The following TRERF1 variants were observed in gnomAD, a reference collection of about 807,000 sequenced individuals.
TRERF1 encodes the protein transcriptional-regulating factor 1.
Under a neutral mutation model 122.9 loss-of-function variants are expected in TRERF1, and 27 were observed. The ratio of observed to expected loss-of-function variants is 0.22; its 90% confidence interval spans 0.16 to 0.30. The LOEUF (loss-of-function observed/expected upper bound fraction) is 0.30, where lower values mean the gene tolerates loss of function less well. Ranked by LOEUF, TRERF1 falls within the 10% of genes least tolerant of loss-of-function variation. TRERF1 has a pLI of 1.00. For missense variants in TRERF1, 1,248 were observed against 1,560.3 expected (o/e 0.80, Z 3.37); for synonymous variants, 636 against 641.7 (o/e 0.99, Z 0.13).
At position 42,305,745 on chromosome 6, in the gene TRERF1, AG is replaced by A. The variant is rs1462746904; in HGVS notation, c.-370-4997del. On this transcript the variant is annotated intron_variant, in intron 3 of 17. Coordinates refer to ENST00000372922, the Ensembl canonical transcript of TRERF1. ...GATTTTAAAAAGAAGAAAAAGGAAC[AG>A]GGGGAGGGGGATGCAGGAAAATGGA... Among the ~76,000 whole-genome samples the A allele has an allele frequency of 3.3e-5, 5 of 152,160 alleles. No homozygotes were observed. In the East Asian group the frequency reaches 9.7e-4, roughly 29 times the overall value.
At chr6:42,328,372 G>T (rs1764681949) in intron 3 of TRERF1, among the ~76,000 whole-genome samples, 1 of 152,108 alleles carries the variant, frequency 6.6e-6, no homozygotes, top group Non-Finnish European at 1.5e-5. Context: ...AGGCTCAGGA[G>T]TACCTCTGCA....
chr6:42,416,703 A>G (rs1781883498), intron 2 of TRERF1, among the ~76,000 whole-genome samples: 1 of 152,184 alleles, frequency 6.6e-6, no homozygotes, highest in Admixed American at 6.5e-5. Context: ...AAAGAATTTA[A>G]GCGCTCTTTC....
In TRERF1 at chr6:42,385,599, G is replaced by A. The variant is rs184683393; in HGVS notation, c.-453-22520C>T. Among the ~76,000 whole-genome samples the A allele has an allele frequency of 2.0e-3, 310 of 152,266 alleles. 3 individuals are homozygous for A. The highest frequency in any genetic ancestry group is 3.7e-3 in the Non-Finnish European group (253 of 68,020). On this transcript the variant is annotated intron_variant, in intron 2 of 17. Coordinates refer to ENST00000372922, the Ensembl canonical transcript of TRERF1. Reference sequence around the variant, plus strand: ...TGACCTGGACCCCGAAACCTATCGGGAGTGGCAGGCACCTCTAGAAGCCAC... The same window carrying A: ...TGACCTGGACCCCGAAACCTATCGGAAGTGGCAGGCACCTCTAGAAGCCAC...
Position 42,247,674 on chromosome 6 carries a change from C to T in TRERF1, c.2657-1130G>A, listed in dbSNP as rs147755841. Among the ~76,000 whole-genome samples, 388 of 152,202 alleles carry T rather than the reference C, an allele frequency of 2.5e-3. 1 individual carries two copies. The highest frequency in any genetic ancestry group is 8.9e-3 in the African/African-American group (370 of 41,510). On this transcript the variant is annotated intron_variant, in intron 13 of 17. Transcript: ENST00000372922. ...TCTTTTTCCTCCATGAAAGAAAGCA[C>T]GATATGCAGATAATAATATAAAGTT...
At chr6:42,238,285 C>G (rs1343230864) in intron 15 of TRERF1, among the ~76,000 whole-genome samples, 8 of 152,166 alleles carry the variant, frequency 5.3e-5, no homozygotes, top group African/African-American at 1.7e-4. Context: ...TCTCACAATG[C>G]CATTGTTTGG....
At chr6:42,330,202 C>CAAGAAA (rs1165737509) in intron 3 of TRERF1, among the ~76,000 whole-genome samples, 3 of 152,064 alleles carry the variant, frequency 2.0e-5, no homozygotes, top group Non-Finnish European at 4.4e-5. Flanking sequence ...CATGAACACA[C>CAAGAAA]AAGAAATAGT....
intron 13 of TRERF1, among the ~76,000 whole-genome samples, 181 bp downstream of exon 13, chr6:42,254,670 C>T (rs115573529): frequency 0.023 from 3,440 of 152,220 alleles, 131 homozygotes; most frequent in African/African-American, 0.077. Context: ...GGAGCTTATG[C>T]CAACAGACAA....
At chr6:42,290,792 G>A (rs866609264) in intron 4 of TRERF1, among the ~76,000 whole-genome samples, 68 of 93,152 alleles carry the variant, frequency 7.3e-4, no homozygotes, top group Non-Finnish European at 1.1e-3. Context: ...GCTCATAATT[G>A]CATCTCTTTA....
chr6:42,408,229 G>GTGTGTGTATGTATATATACATACACA (rs1780504520), intron 2 of TRERF1, among the ~76,000 whole-genome samples: 2 of 93,878 alleles, frequency 2.1e-5, no homozygotes, highest in Non-Finnish European at 5.0e-5. Flanking sequence ...ATATATATAT[G>GTGTGTGTATGTATATATACATACACA]TGTGTGTGTA....
chr6:42,238,169 C>T (rs2149547473), intron 15 of TRERF1, among the ~76,000 whole-genome samples: 1 of 152,316 alleles, frequency 6.6e-6, no homozygotes. Context: ...ACTTTGTGGT[C>T]TCAAACATTA....
intron 2 of TRERF1, among the ~76,000 whole-genome samples, chr6:42,399,616 T>G (rs535754739): frequency 1.3e-5 from 2 of 152,330 alleles, no homozygotes; most frequent in East Asian, 3.9e-4. Context: ...GCAAGCAAGT[T>G]CTTCCAGTTT....
chr6:42,265,287 C>T (rs542851741), intron 6 of TRERF1, among the ~76,000 whole-genome samples: 35 of 152,232 alleles, frequency 2.3e-4, no homozygotes, highest in Non-Finnish European at 4.8e-4. Context: ...TCTTTATTGA[C>T]CATGCCCATG....
chr6:42,236,704 G>A (rs111765940), intron 15 of TRERF1, among the ~76,000 whole-genome samples: 1 of 152,154 alleles, frequency 6.6e-6, no homozygotes, highest in Non-Finnish European at 1.5e-5. Context: ...TACATGCAAG[G>A]ATTCCCCACC....
chr6:42,392,341 ATTC>A (rs957696936), intron 2 of TRERF1, among the ~76,000 whole-genome samples: 19 of 152,190 alleles, frequency 1.2e-4, no homozygotes, highest in Non-Finnish European at 2.6e-4. Flanking sequence ...ATAATCATGT[ATTC>A]TTTATGTGAC....
rs147616086 is a variant in TRERF1 at position 42,262,807 on chromosome 6, G to T, written c.1884+513C>A. On this transcript the variant is annotated intron_variant, in intron 8 of 17. Transcript: ENST00000372922. ...AAGCAGACAAAAATATTAAGCAACT[G>T]GTAAGGCTGCTTGTCAGAATGGATG... Among the ~76,000 whole-genome samples, 955 of 152,268 alleles carry T rather than the reference G, an allele frequency of 6.3e-3. 6 individuals carry two copies. The highest frequency in any genetic ancestry group is 0.037 in the Middle Eastern group (11 of 294).
intron 2 of TRERF1, among the ~76,000 whole-genome samples, chr6:42,445,486 G>A (rs1044475496): frequency 4.0e-5 from 6 of 151,834 alleles, no homozygotes; most frequent in Middle Eastern, 3.4e-3. Flanking sequence ...TCTCCATGCC[G>A]ATGGCTCCCA....
chr6:42,283,611 C>CTT (rs869206003), intron 4 of TRERF1, among the ~76,000 whole-genome samples: 2,588 of 107,910 alleles, frequency 0.024, 49 homozygotes, highest in Non-Finnish European at 0.036. Context: ...ATGAAAAAAA[C>CTT]TTTTTTTTTT....
At chr6:42,419,442 T>G (rs1296415526) in intron 2 of TRERF1, among the ~76,000 whole-genome samples, 1 of 152,086 alleles carries the variant, frequency 6.6e-6, no homozygotes, top group African/African-American at 2.4e-5. Flanking sequence ...AAGGCAGACC[T>G]GGACCCCACC....
intron 7 of TRERF1, 92 bp downstream of exon 7, chr6:42,264,612 G>C: frequency 1.3e-6 from 2 of 1,539,008 alleles, no homozygotes; most frequent in Non-Finnish European, 1.8e-6. Context: ...GCCAGGTCCC[G>C]CATGGGGCTC....
Sources: gnomAD v4.1 joint callset for allele counts (sites outside exome capture counted in the v4.1 genomes callset) on GRCh38, gnomAD v4.1.1 for gene constraint, MANE v1.5 for transcripts, NCBI Gene and HGNC (gene_info 2026-07-23, HGNC 2026-07-21) for gene names.